The following BAZ1A variants were observed in gnomAD, a reference collection of about 807,000 sequenced individuals.
The protein encoded by BAZ1A is bromodomain adjacent to zinc finger domain protein 1A.
Under a neutral mutation model 185.2 loss-of-function variants are expected in BAZ1A, and 50 were observed. That is an observed-to-expected ratio of 0.27 (90% confidence interval 0.22 to 0.34). The LOEUF (loss-of-function observed/expected upper bound fraction) is 0.34. Among genes scored for constraint, BAZ1A ranks in the 10% least tolerant of loss-of-function variants. The probability of loss-of-function intolerance (pLI) is 1.00; values close to 1 mark genes in which losing one functional copy is unlikely to be tolerated. For synonymous variants in BAZ1A, 571 were observed against 615.6 expected (o/e 0.93, Z 1.07); for missense variants, 1,356 against 1,839.9 (o/e 0.74, Z 4.81).
At chr14:34,844,526 C>T (rs1204755328) in intron 3 of BAZ1A, among the ~76,000 whole-genome samples, 1 of 151,938 alleles carries the variant, frequency 6.6e-6, no homozygotes, top group African/African-American at 2.4e-5. Flanking sequence ...CCTGTAATCC[C>T]AGCACTTTGG....
intron 3 of BAZ1A, among the ~76,000 whole-genome samples, chr14:34,827,760 A>G (rs34245772): frequency 0.2 from 29,773 of 151,256 alleles, 3,494 homozygotes; most frequent in Non-Finnish European, 0.26. Flanking sequence ...AGAAAGTCAT[A>G]TATTGGCACA....
intron 3 of BAZ1A, among the ~76,000 whole-genome samples, chr14:34,858,209 C>T (rs754027095): frequency 2.0e-5 from 3 of 151,982 alleles, no homozygotes; most frequent in South Asian, 2.1e-4. Flanking sequence ...ACTGTATCCT[C>T]GAAAATGGTT....
intron 24 of BAZ1A, 75 bp from the exon 25 acceptor site, chr14:34,758,921 T>C (rs1484839728): frequency 7.0e-7 from 1 of 1,424,750 alleles, no homozygotes; most frequent in Non-Finnish European, 9.6e-7. Flanking sequence ...ACTGGATATA[T>C]AAATACCAAA....
intron 12 of BAZ1A, among the ~76,000 whole-genome samples, chr14:34,787,155 A>C (rs75012444): frequency 0.57 from 85,094 of 148,652 alleles, 24,512 homozygotes; most frequent in South Asian, 0.67. Flanking sequence ...GAGATTGAGA[A>C]CATCTTGGCC....
chr14:34,820,774 A>G (rs2042077857), intron 4 of BAZ1A, among the ~76,000 whole-genome samples: 1 of 150,878 alleles, frequency 6.6e-6, no homozygotes. Flanking sequence ...TTTTTTTTAC[A>G]TGTAGATATC....
At chr14:34,768,916 T>A (rs1879033698) in intron 21 of BAZ1A, 1 of 208,868 alleles carries the variant, frequency 4.8e-6, no homozygotes, top group Non-Finnish European at 9.7e-6. Context: ...AAACAAAACA[T>A]GATTTTATCT....
chr14:34,861,372 T>C (rs1215986026), intron 3 of BAZ1A, among the ~76,000 whole-genome samples: 2 of 152,230 alleles, frequency 1.3e-5, no homozygotes, highest in Admixed American at 6.5e-5. Flanking sequence ...ACTTTATTTC[T>C]GAAGAGCTCG....
chr14:34,840,762 C>A (rs535824735), intron 3 of BAZ1A, among the ~76,000 whole-genome samples: 3 of 110,074 alleles, frequency 2.7e-5, no homozygotes, highest in East Asian at 2.3e-4. Flanking sequence ...GTCTCCCCCC[C>A]AAAAACAAAC....
chr14:34,829,446 A>G (rs569999634), intron 3 of BAZ1A, among the ~76,000 whole-genome samples: 1 of 152,240 alleles, frequency 6.6e-6, no homozygotes, highest in Admixed American at 6.5e-5. Context: ...TGGCCAAAAA[A>G]TAAATTAATA....
intron 25 of BAZ1A, 137 bp from the exon 26 acceptor site, chr14:34,755,051 C>G: frequency 8.9e-6 from 5 of 564,588 alleles, no homozygotes; most frequent in Non-Finnish European, 1.6e-5. Flanking sequence ...TCTCTCCTCT[C>G]TATATAGATA....
At chr14:34,862,347 C>T (rs1471714062) in intron 2 of BAZ1A, 25 bp from the exon 3 acceptor site, 1 of 1,581,342 alleles carries the variant, frequency 6.3e-7, no homozygotes, top group Non-Finnish European at 8.6e-7. Context: ...AAAACAAAAA[C>T]AAAAGCCCAT....
At chr14:34,869,335 G>A (rs1344012332) in intron 2 of BAZ1A, among the ~76,000 whole-genome samples, 2 of 152,164 alleles carry the variant, frequency 1.3e-5, no homozygotes, top group Non-Finnish European at 2.9e-5. Context: ...CATGTGCAGA[G>A]AGATCCTAGA....
Position 34,827,269 on chromosome 14 carries a change from C to T in BAZ1A, c.393-1113G>A, listed in dbSNP as rs2042177119. 2.0e-5 allele frequency among the ~76,000 whole-genome samples: 3 copies of T among 152,148 alleles called. No individual in the cohort carries two copies. The South Asian group carries it at 6.2e-4, about 32-fold the overall frequency. On this transcript the variant is annotated intron_variant, in intron 3 of 26. Coordinates refer to ENST00000360310, the MANE Select transcript of BAZ1A (RefSeq NM_013448.3). ...GTGTATTGTTGTTGGGTTGAGTGTT[C>T]TGTTTATGTCTGTTACGTCTAGTTG...
chr14:34,801,031 C>A, intron 8 of BAZ1A, 63 bp downstream of exon 8: 1 of 1,221,242 alleles, frequency 8.2e-7, no homozygotes, highest in South Asian at 1.5e-5. Flanking sequence ...ATCCCCCACT[C>A]AGGCACAGAG....
intron 17 of BAZ1A, among the ~76,000 whole-genome samples, chr14:34,779,229 C>T (rs975597213): frequency 4.6e-5 from 7 of 152,008 alleles, no homozygotes; most frequent in East Asian, 1.9e-4. Flanking sequence ...TCTTTTTCCC[C>T]CACCATCTTC....
chr14:34,845,381 A>G (rs1331883904), intron 3 of BAZ1A: 2 of 150,954 alleles, frequency 1.3e-5, no homozygotes, highest in African/African-American at 4.9e-5. Flanking sequence ...TCTTTGGATG[A>G]CCTCTGAATT....
intron 5 of BAZ1A, among the ~76,000 whole-genome samples, chr14:34,809,875 T>C (rs1256046420): frequency 6.6e-6 from 1 of 152,194 alleles, no homozygotes; most frequent in African/African-American, 2.4e-5. Flanking sequence ...TCTCAACAAT[T>C]GCTATTCATT....
At position 34,800,266 on chromosome 14, in the gene BAZ1A, C is replaced by T. The variant is rs773875625; in HGVS notation, c.1086G>A (p.Lys362=). 1.4e-6 allele frequency: 2 copies of T among 1,420,854 alleles called. No individual in the cohort carries two copies. The highest frequency in any genetic ancestry group is 1.9e-6 in the Non-Finnish European group (2 of 1,048,746). The allele number at this position is 1,420,854 out of a possible 1,614,324, so 88.0% of individuals were successfully genotyped here. The stretch of plus-strand genomic sequence containing the variant: ...TAAGCCTCTCTTTTTCTTCTTTTTT[C>T]TTTAGTCTCTCTTCTTCAACAATTT... ...LKKIVEEERL[K]KKEEKERLKV... The change falls in exon 9 of 27, where the codon AAG becomes AAA. Residue 362 remains lysine, a synonymous_variant. Coordinates refer to ENST00000360310, the MANE Select transcript of BAZ1A (RefSeq NM_013448.3).
In BAZ1A at chr14:34,753,191, T is replaced by G. The variant is rs1467766762; in HGVS notation, c.*317A>C. The G allele has an allele frequency of 8.1e-6, 2 of 246,214 alleles. No individual in the cohort carries two copies. Among genetic ancestry groups the G allele is most frequent in the Middle Eastern group, 1.3e-3 (1 of 746 alleles). 15.3% of individuals were successfully genotyped at this position (246,214 alleles called of 1,614,324 possible). On this transcript the variant is annotated 3_prime_UTR_variant, in exon 27 of 27. Transcript: ENST00000360310. ...CACCACTTTAAAAAAAAATCATCAATAACAAAATAAATCGTGGGTGAAAAA... is the reference window on the plus strand; with the variant it reads ...CACCACTTTAAAAAAAAATCATCAAGAACAAAATAAATCGTGGGTGAAAAA...
Sources: allele counts gnomAD v4.1 joint callset (sites outside exome capture counted in the v4.1 genomes callset), GRCh38; gene constraint gnomAD v4.1.1; transcripts MANE v1.5; gene names NCBI Gene and HGNC (gene_info 2026-07-23, HGNC 2026-07-21).